The following ZNF638 variants were observed in gnomAD, a reference collection of about 807,000 sequenced individuals.
ZNF638 encodes the protein CTCL tumor antigen se33-1.
Under a neutral mutation model 195.6 loss-of-function variants are expected in ZNF638, and 46 were observed. The observed-to-expected ratio is 0.24, with a 90% CI of 0.19 to 0.30. The LOEUF is 0.30. Among genes scored for constraint, ZNF638 ranks in the 10% least tolerant of loss-of-function variants. The pLI, the probability that ZNF638 is intolerant of heterozygous loss-of-function variation, is 1.00. For synonymous variants in ZNF638, 845 were observed against 772.0 expected (o/e 1.09, Z -1.57); for missense variants, 2,440 against 2,325.3 (o/e 1.05, Z -1.01).
At chr2:71,363,306 A>G in intron 4 of ZNF638, 115 bp downstream of exon 4, 1 of 758,404 alleles carries the variant, frequency 1.3e-6, no homozygotes, top group African/African-American at 1.8e-5. Flanking sequence ...ACAACAGGCA[A>G]ATGCAAAAAC....
intron 6 of ZNF638, among the ~76,000 whole-genome samples, chr2:71,368,029 G>A (rs1483107870): frequency 6.6e-6 from 1 of 152,122 alleles, no homozygotes; most frequent in Admixed American, 6.5e-5. Context: ...ACTTGTTGGT[G>A]GGCCATGTAG....
intron 21 of ZNF638, among the ~76,000 whole-genome samples, chr2:71,421,462 G>T (rs545251580): frequency 9.9e-5 from 15 of 152,226 alleles, no homozygotes; most frequent in South Asian, 8.3e-4. Flanking sequence ...CTCTAATCTG[G>T]TAGAAAAGTT....
chr2:71,337,896 T>G (rs905149040), intron 1 of ZNF638, among the ~76,000 whole-genome samples: 2 of 152,200 alleles, frequency 1.3e-5, no homozygotes, highest in African/African-American at 4.8e-5. Context: ...TTTTGTGAAG[T>G]TGACATTTTT....
At chr2:71,346,510 A>G (rs1383911649) in intron 1 of ZNF638, among the ~76,000 whole-genome samples, 7 of 152,162 alleles carry the variant, frequency 4.6e-5, no homozygotes, top group Non-Finnish European at 8.8e-5. Flanking sequence ...TAATTTGAAA[A>G]TTAACCTGTG....
intron 2 of ZNF638, among the ~76,000 whole-genome samples, chr2:71,350,655 T>C (rs1386232210): frequency 6.6e-6 from 1 of 152,270 alleles, no homozygotes; most frequent in South Asian, 2.1e-4. Context: ...AACCCATTTG[T>C]AATGCACACA....
At chr2:71,386,309 A>G (rs2104376588) in intron 10 of ZNF638, among the ~76,000 whole-genome samples, 1 of 151,836 alleles carries the variant, frequency 6.6e-6, no homozygotes, top group East Asian at 1.9e-4. Flanking sequence ...AAAAAAAAAA[A>G]AAAAAAAAGT....
chr2:71,348,582 GAA>G, intron 1 of ZNF638, 169 bp from the exon 2 acceptor site: 1 of 1,196,718 alleles, frequency 8.4e-7, no homozygotes. Flanking sequence ...GGAAAGAAAA[GAA>G]GAGAAAGTTT....
At chr2:71,388,725 TA>T in intron 10 of ZNF638, 1 of 1,190,394 alleles carries the variant, frequency 8.4e-7, no homozygotes, top group Non-Finnish European at 1.3e-6. Context: ...GTGCAGTCAG[TA>T]AGTCATTGGT....
Position 71,364,028 on chromosome 2 carries a change from G to A in ZNF638, c.1493G>A (p.Arg498Lys). The A allele has an allele frequency of 6.2e-7, 1 of 1,614,172 alleles. No individual in the cohort carries two copies. Among genetic ancestry groups the A allele is most frequent in the Middle Eastern group, 1.6e-4 (1 of 6,062 alleles). The change falls in exon 5 of 28, where the codon AGA becomes AAA. Residue 498 changes from arginine to lysine, a missense_variant. Coordinates refer to ENST00000264447, the MANE Select transcript of ZNF638 (RefSeq NM_014497.5). ...SHSPSPRRSR[R>K]SSSSHRFRRS... ...TCCCCCAGTCCTAGGCGTTCTAGAA[G>A]ATCAAGCTCAAGTCACAGATTCCGT...
intron 10 of ZNF638, among the ~76,000 whole-genome samples, chr2:71,393,136 C>T (rs1309632524): frequency 6.6e-6 from 1 of 151,714 alleles, no homozygotes; most frequent in Non-Finnish European, 1.5e-5. Flanking sequence ...CCACTCCACC[C>T]TTAAAAATAT....
chr2:71,372,740 G>C (rs760375816), intron 8 of ZNF638, among the ~76,000 whole-genome samples: 2 of 152,164 alleles, frequency 1.3e-5, no homozygotes, highest in Non-Finnish European at 2.9e-5. Context: ...CCAGCTATGT[G>C]TTCTAGTAAT....
At chr2:71,376,150 T>C (rs2079418800) in intron 8 of ZNF638, 1 of 152,226 alleles carries the variant, frequency 6.6e-6, no homozygotes. Context: ...TTTACTGTCA[T>C]GATTTTCATA....
chr2:71,335,348 C>A (rs2078647604), intron 1 of ZNF638, among the ~76,000 whole-genome samples: 1 of 152,164 alleles, frequency 6.6e-6, no homozygotes. Context: ...AGCCTGTTTT[C>A]TTCATGGTTA....
At position 71,431,420 on chromosome 2, in the gene ZNF638, T is replaced by C. The variant is rs201989581; in HGVS notation, c.5744T>C (p.Val1915Ala). The C allele has an allele frequency of 3.1e-6, 5 of 1,612,858 alleles. No homozygotes were observed. Among genetic ancestry groups the C allele is most frequent in the Non-Finnish European group, 4.2e-6 (5 of 1,179,374 alleles). The change falls in exon 26 of 28, where the codon GTC becomes GCC. Residue 1915 changes from valine (V) to alanine (A), a missense_variant. By Grantham distance (64) the Val-to-Ala change is moderately conservative. Coordinates refer to ENST00000264447, the MANE Select transcript of ZNF638 (RefSeq NM_014497.5). ...SSSGKSVASD[V>A]PEELDFLVPK... Reference sequence around the variant, plus strand: ...TCAGGCAAATCAGTGGCGTCTGATGTCCCTGAGGGTAAAGTTAAAATGACA... The same window carrying C: ...TCAGGCAAATCAGTGGCGTCTGATGCCCCTGAGGGTAAAGTTAAAATGACA...
Position 71,358,511 on chromosome 2 carries a change from A to G in ZNF638, c.1379+2731A>G, listed in dbSNP as rs536106836. On this transcript the variant is annotated intron_variant, in intron 3 of 27. Coordinates refer to ENST00000264447, the MANE Select transcript of ZNF638 (RefSeq NM_014497.5). ...ATGCTGGTAAGAACTGCAACTGGAT[A>G]TATCCTTCGATCTGGCATCCTCTGG... Among the ~76,000 whole-genome samples the G allele has an allele frequency of 2.6e-5, 4 of 152,326 alleles. No individual in the cohort carries two copies. In the East Asian group the frequency reaches 7.7e-4, roughly 29 times the overall value.
intron 1 of ZNF638, among the ~76,000 whole-genome samples, chr2:71,339,303 C>T (rs897922252): frequency 2.0e-5 from 3 of 152,110 alleles, no homozygotes; most frequent in African/African-American, 7.2e-5. Context: ...CAGGCGCCTG[C>T]CAGCACACCC....
At chr2:71,431,276 CA>C (rs2080653147) in intron 25 of ZNF638, 50 bp from the exon 26 acceptor site, 1 of 1,490,584 alleles carries the variant, frequency 6.7e-7, no homozygotes, top group Admixed American at 1.9e-5. Flanking sequence ...GTTAACTTTA[CA>C]AAGTCTGTAA....
chr2:71,336,661 A>G (rs2078676533), intron 1 of ZNF638, among the ~76,000 whole-genome samples: 2 of 152,208 alleles, frequency 1.3e-5, no homozygotes, highest in Non-Finnish European at 2.9e-5. Flanking sequence ...TCATTTTCAC[A>G]GGATGAAACA....
chr2:71,376,553 C>G (rs2079429427), intron 8 of ZNF638, among the ~76,000 whole-genome samples: 1 of 152,160 alleles, frequency 6.6e-6, no homozygotes, highest in Non-Finnish European at 1.5e-5. Context: ...CTATAGCTTT[C>G]TTGGTCCAAA....
Sources: allele counts gnomAD v4.1 joint callset (sites outside exome capture counted in the v4.1 genomes callset), GRCh38; gene constraint gnomAD v4.1.1; transcripts MANE v1.5; gene names NCBI Gene and HGNC (gene_info 2026-07-23, HGNC 2026-07-21).